Variants in ZNF354B observed in about 807,000 individuals in gnomAD.
ZNF354B encodes the protein zinc finger protein 354B.
In ZNF354B, 10 loss-of-function variants were observed where a neutral mutation model predicts 12.9. That is an observed-to-expected ratio of 0.77 (90% CI 0.48 to 1.31). The LOEUF (loss-of-function observed/expected upper bound fraction) is 1.31. Ranked by LOEUF, ZNF354B falls within the 40% of genes most tolerant of loss-of-function variation. ZNF354B has a pLI of 0.00. For synonymous variants in ZNF354B, 260 were observed against 243.7 expected, an observed-to-expected ratio of 1.07 and a Z score of -0.62; for missense variants, 614 against 711.7, an observed-to-expected ratio of 0.86 and a Z score of 1.56.
Position 178,884,508 on chromosome 5 carries a change from T to A in ZNF354B, c.*217T>A, listed in dbSNP as rs1053709638. 2.2e-6 allele frequency: 1 copy of A among 449,094 alleles called. No homozygotes were observed. Among genetic ancestry groups the A allele is most frequent in the African/African-American group, 2.0e-5 (1 of 49,676 alleles). 27.8% of individuals were successfully genotyped at this position (449,094 alleles called of 1,614,324 possible). A position where few individuals can be genotyped will look rare whatever the true frequency, so the allele number is the denominator to read the frequency against. On this transcript the variant is annotated 3_prime_UTR_variant, in exon 5 of 5. Coordinates refer to ENST00000322434, the MANE Select transcript of ZNF354B (RefSeq NM_058230.3). Reference sequence around the variant, plus strand: ...TGCAGACATTGAAATTGGCCATTTGTAAGATAAAAGGTATGTTTATAAAAT... The same window carrying A: ...TGCAGACATTGAAATTGGCCATTTGAAAGATAAAAGGTATGTTTATAAAAT...
chr5:178,861,563 A>G (rs1381178171), intron 2 of ZNF354B, among the ~76,000 whole-genome samples: 1 of 152,108 alleles, frequency 6.6e-6, no homozygotes, highest in African/African-American at 2.4e-5. Flanking sequence ...CTTGAAATCT[A>G]TTGTAGACCG....
chr5:178,884,421 T>C lies in ZNF354B; in HGVS notation c.*130T>C. ...GAATAAACTTTAGCTATGTAATAAC[T>C]TATGGGAAAAGCTTTTATACTTGTC... On this transcript the variant is annotated 3_prime_UTR_variant, in exon 5 of 5. Transcript: ENST00000322434. The C allele has an allele frequency of 4.0e-6, 4 of 1,012,378 alleles. No individual in the cohort carries two copies. The highest frequency in any genetic ancestry group is 5.6e-6 in the Non-Finnish European group (4 of 717,318). 62.7% of individuals were successfully genotyped at this position (1,012,378 alleles called of 1,614,324 possible).
At chr5:178,862,657 C>A (rs888719775) in intron 2 of ZNF354B, among the ~76,000 whole-genome samples, 2 of 152,204 alleles carry the variant, frequency 1.3e-5, no homozygotes, top group Non-Finnish European at 2.9e-5. Context: ...TGTGAGCCGC[C>A]GCGCCTGGCG....
At position 178,882,691 on chromosome 5, in the gene ZNF354B, C is replaced by G; in HGVS notation, c.257-18C>G. The G allele has an allele frequency of 6.5e-7, 1 of 1,531,682 alleles. No homozygotes were observed. The highest frequency in any genetic ancestry group is 8.7e-7 in the Non-Finnish European group (1 of 1,150,154). 94.9% of individuals were successfully genotyped at this position (1,531,682 alleles called of 1,614,324 possible). Reference sequence around the variant, plus strand: ...CACATGAATCATGGGCTGTTGCTTTCTTTTTTTCTTTTTTCAGGATGTAAG... The same window carrying G: ...CACATGAATCATGGGCTGTTGCTTTGTTTTTTTCTTTTTTCAGGATGTAAG... On this transcript the variant is annotated intron_variant, in intron 4 of 4. Transcript: ENST00000322434.
intron 4 of ZNF354B, 126 bp downstream of exon 4, chr5:178,867,197 C>T (rs6882396): frequency 4.3e-5 from 39 of 898,088 alleles, no homozygotes; most frequent in East Asian, 3.6e-4. Flanking sequence ...GGTGGGGAAG[C>T]GGAAGCCCAG....
intron 4 of ZNF354B, among the ~76,000 whole-genome samples, chr5:178,868,403 G>C (rs1459354598): frequency 1.3e-5 from 2 of 150,440 alleles, no homozygotes; most frequent in Admixed American, 6.6e-5. Flanking sequence ...GGGGGGCTCT[G>C]GCTCTGGGGG....
chr5:178,884,250 C>A lies in ZNF354B; in HGVS notation c.1798C>A (p.His600Asn). The A allele has an allele frequency of 6.2e-7, 1 of 1,606,574 alleles. No homozygotes were observed. The change falls in exon 5 of 5, where the codon CAC becomes AAC. Residue 600 changes from histidine to asparagine, a missense_variant. Physicochemically the swap from His to Asn is moderately conservative, Grantham distance 68. Coordinates refer to ENST00000322434, the MANE Select transcript of ZNF354B (RefSeq NM_058230.3). ...RSSLTNHYKI[H>N]IEEDSLKADL... ...ATCCCTTACTAATCATTATAAAATT[C>A]ACATTGAAGAGGACTCCTTAAAAGC... is the stretch of plus-strand genomic sequence containing the variant.
In ZNF354B at chr5:178,884,367, CTT is replaced by C. The variant is rs1757770155; in HGVS notation, c.*77_*78del. On this transcript the variant is annotated 3_prime_UTR_variant, in exon 5 of 5. Coordinates refer to ENST00000322434, the MANE Select transcript of ZNF354B (RefSeq NM_058230.3). The stretch of plus-strand genomic sequence containing the variant: ...TAAATATAATGAATATGAGAAAACT[CTT>C]AGTTCTCATCAGATACTAAGTTTTA... The C allele has an allele frequency of 7.0e-7, 1 of 1,428,772 alleles. No homozygotes were observed. Among genetic ancestry groups the C allele is most frequent in the Non-Finnish European group, 9.4e-7 (1 of 1,063,168 alleles). 88.5% of individuals were successfully genotyped at this position (1,428,772 alleles called of 1,614,324 possible).
At position 178,882,792 on chromosome 5, in the gene ZNF354B, G is replaced by A; in HGVS notation, c.340G>A (p.Asp114Asn). 6.2e-7 allele frequency: 1 copy of A among 1,600,660 alleles called. No homozygotes were observed. The highest frequency in any genetic ancestry group is 8.5e-7 in the Non-Finnish European group (1 of 1,176,968). ...GCAGATAAGGAAAAGATTGAAAAGG[G>A]ATGAACCCTGGAACTTCATATCAGA... ...QEQIRKRLKR[D>N]EPWNFISERS... Residue 114 changes from aspartate to asparagine, a missense_variant, in exon 5 of 5, where the codon GAT becomes AAT. Physicochemically the swap from Asp to Asn is conservative, Grantham distance 23. Transcript: ENST00000322434.
rs192141889 is a variant in ZNF354B, at chr5:178,864,457, A to G, written c.34-1787A>G. On this transcript the variant is annotated intron_variant, in intron 2 of 4. Coordinates refer to ENST00000322434, the MANE Select transcript of ZNF354B (RefSeq NM_058230.3). ...CCCATAATGATGAAATGGCTTAACA[A>G]TGCATTTCTCAGAATGTACCTCCAT... Among the ~76,000 whole-genome samples the G allele has an allele frequency of 6.6e-5, 10 of 152,228 alleles. No individual in the cohort carries two copies. In the East Asian group the frequency reaches 1.5e-3, roughly 24 times the overall value.
At chr5:178,869,287 C>T (rs1757519312) in intron 4 of ZNF354B, among the ~76,000 whole-genome samples, 1 of 152,192 alleles carries the variant, frequency 6.6e-6, no homozygotes. Flanking sequence ...TCCCCATAGC[C>T]CCTGTGCTGG....
intron 2 of ZNF354B, among the ~76,000 whole-genome samples, chr5:178,863,829 GCA>G (rs1403450466): frequency 7.9e-5 from 12 of 152,078 alleles, no homozygotes; most frequent in Non-Finnish European, 1.5e-4. Context: ...AGACTAATGT[GCA>G]TATTTATGTC....
At chr5:178,865,547 A>G (rs572428881) in intron 2 of ZNF354B, among the ~76,000 whole-genome samples, 1 of 152,284 alleles carries the variant, frequency 6.6e-6, no homozygotes, top group African/African-American at 2.4e-5. Flanking sequence ...GATTACAGGC[A>G]TGAGTCACTG....
chr5:178,882,341 A>G lies in ZNF354B; in HGVS notation c.257-368A>G, dbSNP rs76650316. 5.7e-3 allele frequency among the ~76,000 whole-genome samples: 861 copies of G among 152,366 alleles called. 5 individuals carry two copies. Among genetic ancestry groups the G allele is most frequent in the Non-Finnish European group, 8.6e-3 (588 of 68,044 alleles). On this transcript the variant is annotated intron_variant, in intron 4 of 4. Coordinates refer to ENST00000322434, the MANE Select transcript of ZNF354B (RefSeq NM_058230.3). ...AAGGATACAAAGGAGTTCAGAATGT[A>G]GGAAAAGGAGGGAAGACATTCAGGA...
Position 178,884,276 on chromosome 5 carries a change from CGA to C in ZNF354B, c.1825_1826del (p.Asp609PhefsTer22). 6.3e-7 allele frequency: 1 copy of C among 1,585,036 alleles called. No homozygotes were observed. The highest frequency in any genetic ancestry group is 8.6e-7 in the Non-Finnish European group (1 of 1,166,908). On this transcript the variant is annotated frameshift_variant, in exon 5 of 5. Coordinates refer to ENST00000322434, the MANE Select transcript of ZNF354B (RefSeq NM_058230.3). LOFTEE classifies it high-confidence loss of function. ...IHIEEDSLKA[D>X]LHV ...ACATTGAAGAGGACTCCTTAAAAGC[CGA>C]TTTGCATGTGTGAAAGCCTTAAACC...
At chr5:178,869,377 T>C (rs1213370375) in intron 4 of ZNF354B, among the ~76,000 whole-genome samples, 2 of 152,086 alleles carry the variant, frequency 1.3e-5, no homozygotes, top group Non-Finnish European at 2.9e-5. Context: ...TCTCCTTTGG[T>C]AGAAATACAC....
intron 4 of ZNF354B, among the ~76,000 whole-genome samples, 189 bp downstream of exon 4, chr5:178,867,260 A>T (rs1034261029): frequency 2.0e-5 from 3 of 152,160 alleles, no homozygotes; most frequent in African/African-American, 7.2e-5. Context: ...ATCTCTCAGC[A>T]TCTCTTTTCT....
chr5:178,864,694 C>T (rs1274528548), intron 2 of ZNF354B, among the ~76,000 whole-genome samples: 1 of 151,506 alleles, frequency 6.6e-6, no homozygotes, highest in African/African-American at 2.4e-5. Context: ...GCAGTCTCGG[C>T]TCACTGCAAG....
intron 4 of ZNF354B, among the ~76,000 whole-genome samples, chr5:178,878,277 G>C (rs1392230138): frequency 6.6e-6 from 1 of 152,172 alleles, no homozygotes; most frequent in East Asian, 1.9e-4. Context: ...CAGCTACTTG[G>C]GAGGCTGAGG....
Sources: gnomAD v4.1 joint callset for allele counts (sites outside exome capture counted in the v4.1 genomes callset) on GRCh38, gnomAD v4.1.1 for gene constraint, MANE v1.5 for transcripts, NCBI Gene and HGNC (gene_info 2026-07-23, HGNC 2026-07-21) for gene names.